ROBO2: variants seen among roughly 807,000 people sequenced by gnomAD.
The protein encoded by ROBO2 is roundabout homolog 2.
In ROBO2, 53 loss-of-function variants were observed where a neutral mutation model predicts 160.8. The observed-to-expected ratio is 0.33, with a 90% CI of 0.26 to 0.41. The LOEUF (loss-of-function observed/expected upper bound fraction) is 0.41. Among genes scored for constraint, ROBO2 ranks in the 10% least tolerant of loss-of-function variants. The pLI is 1.00. For missense variants in ROBO2, 1,577 were observed against 1,722.4 expected, an observed-to-expected ratio of 0.92 and a Z score of 1.49; for synonymous variants, 664 against 611.7, an observed-to-expected ratio of 1.09 and a Z score of -1.26.
At chr3:77,153,067 A>G (rs902090497) in intron 2 of ROBO2, among the ~76,000 whole-genome samples, 3 of 152,066 alleles carry the variant, frequency 2.0e-5, no homozygotes, top group Non-Finnish European at 4.4e-5. Flanking sequence ...AAGTACATTG[A>G]TCTGTAGTCT....
At chr3:75,979,884 G>T (rs1183729267) in intron 2 of ROBO2, among the ~76,000 whole-genome samples, 1 of 151,480 alleles carries the variant, frequency 6.6e-6, no homozygotes, top group Non-Finnish European at 1.5e-5. Flanking sequence ...TTTTATGTAA[G>T]TTGCTTAGTT....
chr3:77,322,402 CA>C (rs2064813076), intron 2 of ROBO2, among the ~76,000 whole-genome samples: 1 of 152,062 alleles, frequency 6.6e-6, no homozygotes, highest in African/African-American at 2.4e-5. Context: ...TAAGCATAAT[CA>C]AAAGTTCTAG....
intron 2 of ROBO2, among the ~76,000 whole-genome samples, chr3:76,349,643 C>T (rs1410824643): frequency 3.9e-5 from 6 of 152,116 alleles, no homozygotes; most frequent in African/African-American, 1.4e-4. Context: ...TGAGATTTCA[C>T]GTTACTTGCA....
At chr3:76,412,926 G>A (rs530113240) in intron 2 of ROBO2, among the ~76,000 whole-genome samples, 119 of 152,298 alleles carry the variant, frequency 7.8e-4, no homozygotes, top group African/African-American at 2.6e-3. Flanking sequence ...TTTCCCTTCC[G>A]CACTGCCCTA....
At chr3:77,546,802 G>A (rs2092714601) in intron 7 of ROBO2, among the ~76,000 whole-genome samples, 1 of 152,058 alleles carries the variant, frequency 6.6e-6, no homozygotes, top group Admixed American at 6.6e-5. Context: ...TACGTGGTGT[G>A]ATAGAGTCAG....
At chr3:76,297,454 TATC>T (rs1709130980) in intron 2 of ROBO2, among the ~76,000 whole-genome samples, 2 of 152,174 alleles carry the variant, frequency 1.3e-5, no homozygotes, top group Non-Finnish European at 2.9e-5. Flanking sequence ...TGTTAATTGT[TATC>T]ATGTAGAAAT....
chr3:76,964,013 C>T (rs2079880103), intron 2 of ROBO2, among the ~76,000 whole-genome samples: 1 of 152,100 alleles, frequency 6.6e-6, no homozygotes, highest in Admixed American at 6.5e-5. Flanking sequence ...ATACTAGTCA[C>T]TTCTCTCAGA....
intron 2 of ROBO2, among the ~76,000 whole-genome samples, chr3:76,943,734 T>C (rs1313732374): frequency 1.3e-5 from 2 of 152,176 alleles, no homozygotes; most frequent in Non-Finnish European, 2.9e-5. Flanking sequence ...TGAAAAGTCA[T>C]AGTTGTTTAA....
chr3:76,942,486 ACC>A (rs1327330550), intron 2 of ROBO2, among the ~76,000 whole-genome samples: 3 of 152,218 alleles, frequency 2.0e-5, no homozygotes, highest in Non-Finnish European at 4.4e-5. Flanking sequence ...CTTGGGAAGC[ACC>A]ACTGATGTTT....
chr3:76,341,961 C>T (rs1025290516), intron 2 of ROBO2, among the ~76,000 whole-genome samples: 3 of 152,032 alleles, frequency 2.0e-5, no homozygotes, highest in Non-Finnish European at 2.9e-5. Context: ...TAGTTAGGGG[C>T]GTATAACATA....
At chr3:76,048,466 T>C (rs2067523692) in intron 2 of ROBO2, among the ~76,000 whole-genome samples, 1 of 152,196 alleles carries the variant, frequency 6.6e-6, no homozygotes, top group African/African-American at 2.4e-5. Flanking sequence ...GAAAAATGAG[T>C]TTGTACATAA....
chr3:76,012,244 CAATTAT>C (rs922093479), intron 2 of ROBO2, among the ~76,000 whole-genome samples: 19 of 152,056 alleles, frequency 1.2e-4, no homozygotes, highest in East Asian at 1.2e-3. Context: ...CATGTTCCAG[CAATTAT>C]AATTATAAAG....
intron 6 of ROBO2, among the ~76,000 whole-genome samples, chr3:77,545,535 C>T (rs1272886453): frequency 2.6e-5 from 4 of 152,030 alleles, no homozygotes; most frequent in Admixed American, 1.3e-4. Context: ...TTGCACTTAC[C>T]ACAGTCTTAG....
intron 2 of ROBO2, among the ~76,000 whole-genome samples, chr3:76,885,597 C>A (rs1039530731): frequency 6.6e-6 from 1 of 152,050 alleles, no homozygotes; most frequent in Admixed American, 6.6e-5. Context: ...ATGCATTGCC[C>A]ATAATTAACC....
At chr3:77,243,451 A>T (rs1477182514) in intron 2 of ROBO2, among the ~76,000 whole-genome samples, 1 of 152,176 alleles carries the variant, frequency 6.6e-6, no homozygotes, top group Admixed American at 6.5e-5. Context: ...AGTCCTTACC[A>T]GGAGATTTCT....
chr3:77,044,885 T>C (rs2064481807), intron 1 of ROBO2, among the ~76,000 whole-genome samples: 1 of 152,222 alleles, frequency 6.6e-6, no homozygotes, highest in Non-Finnish European at 1.5e-5. Flanking sequence ...GCTGTATTTC[T>C]TAAAGGTTCT....
At chr3:76,245,315 T>G (rs970619912) in intron 2 of ROBO2, among the ~76,000 whole-genome samples, 6 of 152,180 alleles carry the variant, frequency 3.9e-5, no homozygotes, top group Non-Finnish European at 8.8e-5. Flanking sequence ...GTCACTGCTG[T>G]GTTTTCTATG....
chr3:76,929,486 C>T (rs886192563), intron 2 of ROBO2, among the ~76,000 whole-genome samples: 2 of 152,206 alleles, frequency 1.3e-5, no homozygotes, highest in African/African-American at 4.8e-5. Context: ...ACACTCACTA[C>T]TATCAACCTT....
chr3:76,451,767 C>T lies in ROBO2; in HGVS notation c.109+514165C>T, dbSNP rs566570509. On this transcript the variant is annotated intron_variant, in intron 2 of 26. Coordinates refer to the ROBO2 transcript ENST00000487694. Reference sequence around the variant, plus strand: ...CAAAATACTAATGTCGGAGACAGAACATCATTTATGACTAAGAAAATTCTT... The same window carrying T: ...CAAAATACTAATGTCGGAGACAGAATATCATTTATGACTAAGAAAATTCTT... Among the ~76,000 whole-genome samples, 39 of 152,246 alleles carry T rather than the reference C, an allele frequency of 2.6e-4. 1 individual carries two copies. In the South Asian group the frequency reaches 7.7e-3, roughly 30 times the overall value.
Sources: gnomAD v4.1 joint callset for allele counts (sites outside exome capture counted in the v4.1 genomes callset) on GRCh38, gnomAD v4.1.1 for gene constraint, MANE v1.5 for transcripts, NCBI Gene and HGNC (gene_info 2026-07-23, HGNC 2026-07-21) for gene names.